Variants in RALYL observed in about 807,000 individuals in gnomAD.
RALYL encodes the protein RALY RNA binding protein like, also known as RNA-binding Raly-like protein.
Under a neutral mutation model 35.1 loss-of-function variants are expected in RALYL, and 29 were observed. That is an observed-to-expected ratio of 0.83 (90% CI 0.61 to 1.13). The LOEUF is 1.13. Among genes scored for constraint, RALYL ranks in the 50% most tolerant of loss-of-function variants. The pLI is 0.00. For missense variants in RALYL, 359 were observed against 360.4 expected (o/e 1.00, Z 0.03); for synonymous variants, 120 against 127.6 (o/e 0.94, Z 0.40).
intron 2 of RALYL, among the ~76,000 whole-genome samples, chr8:84,746,194 TGA>T (rs1411192638): frequency 2.6e-5 from 4 of 152,142 alleles, no homozygotes; most frequent in South Asian, 4.1e-4. Context: ...GAAAATCACT[TGA>T]GAGGAAATGT....
intron 1 of RALYL, among the ~76,000 whole-genome samples, chr8:84,378,074 T>TA (rs1305432664): frequency 6.6e-6 from 1 of 151,944 alleles, no homozygotes; most frequent in African/African-American, 2.4e-5. Context: ...CTTGGATAGA[T>TA]AAACTACGTT....
At chr8:84,787,864 G>A (rs895035974) in intron 3 of RALYL, among the ~76,000 whole-genome samples, 5 of 151,994 alleles carry the variant, frequency 3.3e-5, no homozygotes, top group Non-Finnish European at 7.4e-5. Context: ...CTTTTTGATG[G>A]GGTTGTTTTT....
At chr8:84,721,277 G>C (rs1211943769) in intron 2 of RALYL, among the ~76,000 whole-genome samples, 1 of 151,832 alleles carries the variant, frequency 6.6e-6, no homozygotes, top group African/African-American at 2.4e-5. Flanking sequence ...TTTCATTACT[G>C]AGTACTGGTT....
At chr8:84,835,683 CAA>C (rs5892932) in intron 4 of RALYL, among the ~76,000 whole-genome samples, 1,768 of 72,492 alleles carry the variant, frequency 0.024, 17 homozygotes, top group African/African-American at 0.026. Context: ...AACTCCGTCT[CAA>C]AAAAAAAAAA....
At chr8:84,319,737 A>G (rs146132264) in intron 1 of RALYL, among the ~76,000 whole-genome samples, 11 of 152,240 alleles carry the variant, frequency 7.2e-5, no homozygotes, top group African/African-American at 2.4e-4. Context: ...AGAAAAGGTG[A>G]AGCAATTTGA....
chr8:84,581,451 TATA>T (rs1810810052), intron 2 of RALYL, among the ~76,000 whole-genome samples: 1 of 152,178 alleles, frequency 6.6e-6, no homozygotes, highest in Non-Finnish European at 1.5e-5. Context: ...CAGAGCCTGA[TATA>T]ATGCCACCTT....
intron 1 of RALYL, among the ~76,000 whole-genome samples, chr8:84,521,750 T>C (rs1258622978): frequency 1.3e-5 from 2 of 152,228 alleles, no homozygotes; most frequent in Non-Finnish European, 2.9e-5. Flanking sequence ...CCAATATCCA[T>C]TGATTTCCAA....
In RALYL at chr8:84,895,763, C is replaced by T. The variant is rs570376089; in HGVS notation, c.858+7987C>T. 8.5e-5 allele frequency among the ~76,000 whole-genome samples: 13 copies of T among 152,286 alleles called. No individual in the cohort carries two copies. The South Asian group carries it at 1.5e-3, about 17-fold the overall frequency. ...CTGACATCAGGTGATCCGCCCACCT[C>T]GGCCTCCCAAAGTGCTGGGATTACA... is the stretch of plus-strand genomic sequence containing the variant. On this transcript the variant is annotated intron_variant, in intron 8 of 8. Transcript: ENST00000521268.
At chr8:84,202,524 A>G (rs963976379) in intron 1 of RALYL, among the ~76,000 whole-genome samples, 8 of 151,930 alleles carry the variant, frequency 5.3e-5, no homozygotes, top group African/African-American at 1.9e-4. Flanking sequence ...GGTGCCCACC[A>G]CCACGCCCAG....
intron 2 of RALYL, among the ~76,000 whole-genome samples, chr8:84,539,833 C>CATAT (rs768941805): frequency 4.3e-5 from 1 of 23,174 alleles, no homozygotes; most frequent in Non-Finnish European, 1.3e-4. Context: ...ATCAAGTATA[C>CATAT]ATATATATAT....
At chr8:84,294,847 C>G (rs1689283219) in intron 1 of RALYL, among the ~76,000 whole-genome samples, 1 of 151,908 alleles carries the variant, frequency 6.6e-6, no homozygotes, top group Non-Finnish European at 1.5e-5. Context: ...GGTGGGCAAC[C>G]TAGAATGGGA....
intron 2 of RALYL, among the ~76,000 whole-genome samples, chr8:84,689,311 G>A (rs1412273977): frequency 6.6e-6 from 1 of 151,960 alleles, no homozygotes; most frequent in Non-Finnish European, 1.5e-5. Context: ...TCCCACCTAT[G>A]AGTAAGAATA....
chr8:84,320,668 T>C (rs568451605), intron 1 of RALYL, among the ~76,000 whole-genome samples: 4 of 152,294 alleles, frequency 2.6e-5, no homozygotes, highest in East Asian at 3.9e-4. Flanking sequence ...ATATCTGTTA[T>C]GTATTAGAGT....
chr8:84,831,783 A>C (rs567182664), intron 4 of RALYL, among the ~76,000 whole-genome samples: 22 of 152,146 alleles, frequency 1.4e-4, no homozygotes, highest in Non-Finnish European at 2.8e-4. Context: ...GGGGAAAAAA[A>C]TAGAAACCAT....
intron 2 of RALYL, among the ~76,000 whole-genome samples, chr8:84,720,638 T>C (rs1027036296): frequency 2.0e-5 from 3 of 152,102 alleles, no homozygotes; most frequent in South Asian, 2.1e-4. Context: ...AGTAGAAAAA[T>C]AGGATTTCAT....
At chr8:84,902,979 G>T (rs1845933884) in intron 8 of RALYL, among the ~76,000 whole-genome samples, 2 of 152,108 alleles carry the variant, frequency 1.3e-5, no homozygotes, top group Admixed American at 1.3e-4. Flanking sequence ...AATACTTTGG[G>T]AGTCCAAAGT....
intron 2 of RALYL, among the ~76,000 whole-genome samples, chr8:84,669,143 A>G (rs1832684267): frequency 6.6e-6 from 1 of 152,236 alleles, no homozygotes; most frequent in African/African-American, 2.4e-5. Context: ...ATTCACAGCC[A>G]CAACTTTCAG....
rs1311385872 is a variant in RALYL, at chr8:84,618,165, A to G, written c.256+88588A>G. ...ATTGATTGGAATAGTTTCAGAAGGAATGGTACCAGTTCTTCCTTGTACCTC... is the reference window on the plus strand; with the variant it reads ...ATTGATTGGAATAGTTTCAGAAGGAGTGGTACCAGTTCTTCCTTGTACCTC... On this transcript the variant is annotated intron_variant, in intron 2 of 8. Coordinates refer to ENST00000521268, the MANE Select transcript of RALYL (RefSeq NM_173848.7). Among the ~76,000 whole-genome samples, 2 of 151,808 alleles carry G rather than the reference A, an allele frequency of 1.3e-5. 1 individual carries two copies. Among genetic ancestry groups the G allele is most frequent in the African/African-American group, 4.9e-5 (2 of 41,104 alleles).
chr8:84,661,096 T>C (rs1220024996), intron 2 of RALYL, among the ~76,000 whole-genome samples: 1 of 151,708 alleles, frequency 6.6e-6, no homozygotes, highest in Non-Finnish European at 1.5e-5. Flanking sequence ...GCCCGGCTAA[T>C]TTTTTGTATT....
Sources: gnomAD v4.1 joint callset for allele counts (sites outside exome capture counted in the v4.1 genomes callset) on GRCh38, gnomAD v4.1.1 for gene constraint, MANE v1.5 for transcripts, NCBI Gene and HGNC (gene_info 2026-07-23, HGNC 2026-07-21) for gene names.